The following ZNF331 variants were observed in gnomAD, a reference collection of about 807,000 sequenced individuals.
ZNF331 encodes zinc finger protein 331, also known as C2H2-like zinc finger protein rearranged in thyroid adenomas.
In ZNF331, 2 loss-of-function variants were observed where a neutral mutation model predicts 7.0. The observed-to-expected ratio is 0.29, with a 90% confidence interval of 0.12 to 0.90. ZNF331 has a LOEUF of 0.90. Among genes scored for constraint, ZNF331 ranks in the 40% least tolerant of loss-of-function variants. ZNF331 has a pLI of 0.58. For missense variants in ZNF331, 432 were observed against 587.7 expected, an observed-to-expected ratio of 0.74 and a Z score of 2.74; for synonymous variants, 196 against 205.4, an observed-to-expected ratio of 0.95 and a Z score of 0.39.
At chr19:53,576,462 A>G (rs2090727627) in intron 5 of ZNF331, among the ~76,000 whole-genome samples, 1 of 152,252 alleles carries the variant, frequency 6.6e-6, no homozygotes, top group African/African-American at 2.4e-5. Flanking sequence ...ATAGGAAATA[A>G]TAGGACTAAT....
intron 2 of ZNF331, among the ~76,000 whole-genome samples, chr19:53,553,944 C>A (rs1338557902): frequency 5.9e-5 from 9 of 152,208 alleles, no homozygotes; most frequent in African/African-American, 2.2e-4. Context: ...GTGGGGCTGC[C>A]TGCCTGGAAC....
chr19:53,570,752 G>A (rs2090401673), intron 4 of ZNF331, among the ~76,000 whole-genome samples: 1 of 151,684 alleles, frequency 6.6e-6, no homozygotes, highest in Admixed American at 6.6e-5. Flanking sequence ...ACCTGGTCTC[G>A]AACCCCCAAC....
At chr19:53,506,078 G>A in the ZNF331 span, among the ~76,000 whole-genome samples, 1 of 151,542 alleles carries the variant, frequency 6.6e-6, no homozygotes, top group East Asian at 2.0e-4. Context: ...GCTAGTGCCT[G>A]TAATCCCAGC....
intron 5 of ZNF331, among the ~76,000 whole-genome samples, chr19:53,574,077 C>T (rs190610171): frequency 3.9e-5 from 6 of 152,256 alleles, no homozygotes; most frequent in African/African-American, 1.4e-4. Flanking sequence ...GATCATGCCA[C>T]TGCACTCCAG....
rs1227924226 is a variant in ZNF331 at position 53,573,687 on chromosome 19, T to A, written c.136+1957T>A. 6.6e-6 allele frequency among the ~76,000 whole-genome samples: 1 copy of A among 152,052 alleles called. No individual in the cohort carries two copies. The stretch of plus-strand genomic sequence containing the variant: ...TTTCGCCATGTTGTCCAAGCTGATC[T>A]TGAACTCCTGGGCTAAAGGAATCCA... On this transcript the variant is annotated intron_variant, in intron 5 of 5. Transcript: ENST00000449416. This position sits in a 1 kb window ranked among gnomAD's most constrained non-coding sequence, Gnocchi z 4.2.
chr19:53,516,177 G>A (rs1223554365), upstream of ZNF331, among the ~76,000 whole-genome samples: 12 of 152,228 alleles, frequency 7.9e-5, no homozygotes, highest in Non-Finnish European at 1.5e-4. Context: ...TGGGCCGGGC[G>A]TGGTGGCTCA....
chr19:53,574,659 C>T (rs961413676), intron 5 of ZNF331, among the ~76,000 whole-genome samples: 4 of 152,056 alleles, frequency 2.6e-5, no homozygotes, highest in East Asian at 1.9e-4. Context: ...TACTGCTTCC[C>T]GGGTGTTGTT....
chr19:53,555,957 C>T (rs2089370986), intron 3 of ZNF331, 49 bp downstream of exon 3: 1 of 149,000 alleles, frequency 6.7e-6, no homozygotes, highest in Non-Finnish European at 1.5e-5. Context: ...GTTTATGAGA[C>T]TTAGTCGGCG....
rs759962801 is a variant in ZNF331 at position 53,539,105 on chromosome 19, C to T, written c.-204-111C>T. The T allele has an allele frequency of 6.6e-6, 1 of 152,210 alleles. No homozygotes were observed. Among genetic ancestry groups the T allele is most frequent in the Admixed American group, 6.6e-5 (1 of 15,262 alleles). The allele number at this position is 152,210 out of a possible 1,614,324, so 9.4% of individuals were successfully genotyped here. ...GCTCCACGCGTCATCATCTCAATCG[C>T]CACAGCGTGCTCTTCAGGAATCTCC... On this transcript the variant is annotated intron_variant, in intron 1 of 5. Transcript: ENST00000449416. The surrounding 1 kb of genome is among the most constrained non-coding windows in gnomAD (Gnocchi z 6.1).
intron 2 of ZNF331, among the ~76,000 whole-genome samples, chr19:53,528,384 G>A (rs2087389837): frequency 6.6e-6 from 1 of 152,160 alleles, no homozygotes; most frequent in African/African-American, 2.4e-5. Context: ...TGGATTAAGG[G>A]ATATGTAATG....
upstream of ZNF331, among the ~76,000 whole-genome samples, chr19:53,535,202 C>CTCT (rs2087700198): frequency 7.6e-6 from 1 of 130,842 alleles, no homozygotes; most frequent in Non-Finnish European, 1.8e-5. Flanking sequence ...TTCAAGAGAT[C>CTCT]TGCCTCAGCC....
chr19:53,535,018 C>CAAAA (rs59509834), upstream of ZNF331, among the ~76,000 whole-genome samples: 9 of 127,284 alleles, frequency 7.1e-5, no homozygotes, highest in South Asian at 2.6e-4. Context: ...AGCCTGTAAC[C>CAAAA]AAAAAAAAAA....
At chr19:53,550,662 G>A (rs1483441482) in intron 2 of ZNF331, among the ~76,000 whole-genome samples, 1 of 141,302 alleles carries the variant, frequency 7.1e-6, no homozygotes, top group East Asian at 2.3e-4. Context: ...TCAGCCTCCC[G>A]AGTACCTGGG....
chr19:53,560,718 C>G lies in ZNF331; in HGVS notation c.-74+4810C>G, dbSNP rs1411630163. 6.6e-6 allele frequency among the ~76,000 whole-genome samples: 1 copy of G among 152,106 alleles called. No individual in the cohort carries two copies. The highest frequency in any genetic ancestry group is 1.5e-5 in the Non-Finnish European group (1 of 68,016). ...GCCGCCCACACTCCTTAGTTCGTGA[C>G]CCCTTCTTCCATCAGCAAAGCCTGA... On this transcript the variant is annotated intron_variant, in intron 3 of 5. Coordinates refer to ENST00000449416, the MANE Select transcript of ZNF331 (RefSeq NM_001079906.2). The surrounding 1 kb of genome is among the most constrained non-coding windows in gnomAD (Gnocchi z 4.3).
At chr19:53,505,464 G>T in the ZNF331 span, among the ~76,000 whole-genome samples, 1 of 152,128 alleles carries the variant, frequency 6.6e-6, no homozygotes, top group African/African-American at 2.4e-5. Context: ...CTCCCAAAAT[G>T]CTGGGATTAC....
At chr19:53,512,256 A>G in the ZNF331 span, 1 of 153,608 alleles carries the variant, frequency 6.5e-6, no homozygotes, top group Non-Finnish European at 1.5e-5. Flanking sequence ...AGCAGGGAAG[A>G]CAGAGATGCC....
intron 2 of ZNF331, among the ~76,000 whole-genome samples, chr19:53,550,089 GAAA>G: frequency 6.6e-6 from 1 of 152,286 alleles, no homozygotes; most frequent in Non-Finnish European, 1.5e-5. Context: ...CTTGTGGTTG[GAAA>G]AGGTCATTCA....
the ZNF331 span, among the ~76,000 whole-genome samples, chr19:53,507,722 G>A: frequency 4.1e-3 from 627 of 152,270 alleles, 11 homozygotes; most frequent in Admixed American, 0.037. Context: ...CTTGGGGCCA[G>A]GTGTGGGGGC....
upstream of ZNF331, among the ~76,000 whole-genome samples, chr19:53,516,551 G>C (rs2086909064): frequency 6.6e-6 from 1 of 151,974 alleles, no homozygotes; most frequent in Admixed American, 6.6e-5. Context: ...TCTGTTTTCT[G>C]AGTCAACCTT....
Sources: gnomAD v4.1 joint callset for allele counts (sites outside exome capture counted in the v4.1 genomes callset) on GRCh38, gnomAD v4.1.1 for gene constraint, Gnocchi (gnomAD v3.1) non-coding constraint, MANE v1.5 for transcripts, NCBI Gene and HGNC (gene_info 2026-07-23, HGNC 2026-07-21) for gene names.